Variants in MAMLD1 observed in about 807,000 individuals in gnomAD.
MAMLD1 encodes the protein mastermind-like domain-containing protein 1.
A neutral mutation model predicts 45.0 loss-of-function variants in MAMLD1; 14 were observed. The ratio of observed to expected loss-of-function variants is 0.31; its 90% CI spans 0.21 to 0.49. The LOEUF (loss-of-function observed/expected upper bound fraction) is 0.49. MAMLD1 is among the 20% of genes least tolerant of loss of function. The pLI is 0.99. For synonymous variants in MAMLD1, 254 were observed against 247.8 expected (o/e 1.02, Z -0.24); for missense variants, 543 against 603.6 (o/e 0.90, Z 1.05).
chrX:150,381,377 T>A (rs2032600806), intron 1 of MAMLD1, among the ~76,000 whole-genome samples: 1 of 112,405 alleles, frequency 8.9e-6, no homozygotes, highest in Non-Finnish European at 1.9e-5. Flanking sequence ...CATGCACTTA[T>A]TTGTGTACAT....
intron 1 of MAMLD1, among the ~76,000 whole-genome samples, chrX:150,400,941 T>A (rs5970041): frequency 1.9e-5 from 2 of 106,661 alleles, no homozygotes; most frequent in East Asian, 2.9e-4. Context: ...TGTCTCTGCC[T>A]GGCTTTGGTA....
At chrX:150,437,274 G>T (rs2035152704) in intron 1 of MAMLD1, among the ~76,000 whole-genome samples, 1 of 111,911 alleles carries the variant, frequency 8.9e-6, no homozygotes, top group African/African-American at 3.3e-5. Flanking sequence ...AGGTGCAGGG[G>T]TTGCCAGCCT....
intron 5 of MAMLD1, 78 bp downstream of exon 5, chrX:150,473,880 G>C: frequency 9.5e-7 from 1 of 1,051,970 alleles, no homozygotes; most frequent in Non-Finnish European, 1.3e-6. Flanking sequence ...AGCTGGATCA[G>C]CTGGCTCAGA....
intron 3 of MAMLD1, among the ~76,000 whole-genome samples, chrX:150,467,397 C>T (rs1336144845): frequency 2.7e-5 from 3 of 111,669 alleles, no homozygotes; most frequent in African/African-American, 9.8e-5. Context: ...GCTCCATGGA[C>T]CAGCTCAGGG....
At chrX:150,401,367 T>A (rs1254955621) in intron 1 of MAMLD1, among the ~76,000 whole-genome samples, 5 of 100,633 alleles carry the variant, frequency 5.0e-5, no homozygotes, top group African/African-American at 1.8e-4. Flanking sequence ...TTACAAGGGA[T>A]GTGAAGGACC....
At chrX:150,447,342 T>A (rs2035522769) in intron 2 of MAMLD1, among the ~76,000 whole-genome samples, 1 of 112,031 alleles carries the variant, frequency 8.9e-6, no homozygotes, top group South Asian at 3.7e-4. Flanking sequence ...TTTCTAAAAC[T>A]TCAAGCTGTC....
intron 1 of MAMLD1, among the ~76,000 whole-genome samples, chrX:150,403,885 A>C (rs2033886264): frequency 9.9e-6 from 1 of 101,111 alleles, no homozygotes; most frequent in Non-Finnish European, 2.0e-5. Context: ...AAAGGAAAGA[A>C]AGAAGAAAGA....
Position 150,495,860 on chromosome X carries a change from C to A in MAMLD1, c.2041-7414C>A, listed in dbSNP as rs142909536. ...GACCACGATCCTTTCCAGTTTTCTCCTCTGCTGTCTTGTGATTCAGCTTCC... is the reference window on the plus strand; with the variant it reads ...GACCACGATCCTTTCCAGTTTTCTCATCTGCTGTCTTGTGATTCAGCTTCC... On this transcript the variant is annotated intron_variant, in intron 5 of 7. Coordinates refer to ENST00000370401, the MANE Select transcript of MAMLD1 (RefSeq NM_005491.5). Among the ~76,000 whole-genome samples the A allele has an allele frequency of 1.1e-3, 128 of 112,702 alleles. 1 individual carries two copies. Among genetic ancestry groups the A allele is most frequent in the African/African-American group, 3.9e-3 (122 of 31,066 alleles).
At chrX:150,361,647 C>CG (rs1300785192), upstream of MAMLD1, 4 of 112,699 alleles carry the variant, frequency 3.5e-5, no homozygotes, top group African/African-American at 1.3e-4. Context: ...GCAGACGCGG[C>CG]GTTCCCGGGT....
chrX:150,380,871 T>G (rs1204535492), intron 1 of MAMLD1, among the ~76,000 whole-genome samples: 5 of 110,614 alleles, frequency 4.5e-5, no homozygotes, highest in African/African-American at 1.6e-4. Flanking sequence ...ATTTTTTTTT[T>G]TTTAATGTTT....
At chrX:150,495,906 A>T (rs1347638416) in intron 5 of MAMLD1, among the ~76,000 whole-genome samples, 1 of 112,546 alleles carries the variant, frequency 8.9e-6, no homozygotes, top group Non-Finnish European at 1.9e-5. Flanking sequence ...GTAGTCAGTT[A>T]ATCCTGGTCT....
chrX:150,440,920 A>G (rs1557404504), intron 1 of MAMLD1, among the ~76,000 whole-genome samples: 2 of 104,279 alleles, frequency 1.9e-5, no homozygotes, highest in Non-Finnish European at 3.9e-5. Flanking sequence ...AATATTATTT[A>G]TTAAATATAA....
chrX:150,504,294 T>C, intron 6 of MAMLD1: 4 of 752,422 alleles, frequency 5.3e-6, no homozygotes, highest in Non-Finnish European at 6.3e-6. Flanking sequence ...ACAGGATGTC[T>C]GCACTATCTG....
intron 3 of MAMLD1, among the ~76,000 whole-genome samples, chrX:150,469,007 A>T (rs868966706): frequency 4.4e-5 from 2 of 45,806 alleles, no homozygotes; most frequent in African/African-American, 1.3e-4. Flanking sequence ...GTGTGTGTGT[A>T]AAAATAAATG....
intron 1 of MAMLD1, among the ~76,000 whole-genome samples, chrX:150,374,280 C>T (rs1471051347): frequency 1.8e-5 from 2 of 112,646 alleles, no homozygotes; most frequent in East Asian, 2.8e-4. Context: ...TATGAGCTTT[C>T]GGCAGGAGAC....
intron 2 of MAMLD1, among the ~76,000 whole-genome samples, chrX:150,456,369 A>T (rs1242365599): frequency 2.7e-5 from 3 of 111,130 alleles, no homozygotes; most frequent in Non-Finnish European, 5.7e-5. Flanking sequence ...CCCCAAGCAA[A>T]GCCCTGCCTA....
At chrX:150,427,534 C>T (rs1557403866) in intron 1 of MAMLD1, among the ~76,000 whole-genome samples, 1 of 111,702 alleles carries the variant, frequency 9.0e-6, no homozygotes, top group Non-Finnish European at 1.9e-5. Context: ...GGCCTCACCT[C>T]AGAACTTTTC....
At chrX:150,478,348 A>G (rs1557406957) in intron 5 of MAMLD1, among the ~76,000 whole-genome samples, 1 of 111,681 alleles carries the variant, frequency 9.0e-6, no homozygotes, top group African/African-American at 3.3e-5. Flanking sequence ...TAATTATTAT[A>G]TTACTAAAAT....
intron 1 of MAMLD1, among the ~76,000 whole-genome samples, chrX:150,388,036 A>C (rs2033011780): frequency 8.9e-6 from 1 of 111,821 alleles, no homozygotes; most frequent in Non-Finnish European, 1.9e-5. Flanking sequence ...AGAGTTATAA[A>C]ATGAGTTGGG....
Sources: gnomAD v4.1 joint callset for allele counts (sites outside exome capture counted in the v4.1 genomes callset) on GRCh38, gnomAD v4.1.1 for gene constraint, MANE v1.5 for transcripts, NCBI Gene and HGNC (gene_info 2026-07-23, HGNC 2026-07-21) for gene names.